Variants in PREX1 observed in about 807,000 individuals in gnomAD.
PREX1 encodes the protein phosphatidylinositol 3,4,5-trisphosphate-dependent Rac exchanger 1 protein.
In PREX1, 41 loss-of-function variants were observed where a neutral mutation model predicts 198.3. The observed-to-expected ratio is 0.21, with a 90% CI of 0.16 to 0.27. PREX1 has a LOEUF of 0.27. PREX1 is among the 10% of genes least tolerant of loss of function. The pLI, the probability that PREX1 is intolerant of heterozygous loss-of-function variation, is 1.00. For synonymous variants in PREX1, 843 were observed against 887.2 expected (o/e 0.95, Z 0.89); for missense variants, 1,620 against 2,200.7 (o/e 0.74, Z 5.28).
chr20:48,698,526 G>A (rs922641257), intron 7 of PREX1, among the ~76,000 whole-genome samples: 7 of 152,134 alleles, frequency 4.6e-5, no homozygotes, highest in African/African-American at 1.7e-4. Context: ...AGGAGGCAGG[G>A]AAAGAGAAGA....
chr20:48,692,134 C>A (rs1283273909), intron 8 of PREX1, among the ~76,000 whole-genome samples: 1 of 152,168 alleles, frequency 6.6e-6, no homozygotes, highest in Admixed American at 6.5e-5. Context: ...AAGCGGTCTG[C>A]CCATCTCAAC....
intron 32 of PREX1, among the ~76,000 whole-genome samples, chr20:48,636,030 C>T (rs983703681): frequency 6.6e-6 from 1 of 152,216 alleles, no homozygotes; most frequent in Admixed American, 6.5e-5. Context: ...AGGAGCCAAC[C>T]TCAGAGGCAC....
At chr20:48,871,942 G>A in the PREX1 span, among the ~76,000 whole-genome samples, 2 of 151,854 alleles carry the variant, frequency 1.3e-5, no homozygotes, top group South Asian at 2.1e-4. Flanking sequence ...GGCGGATCAC[G>A]AGGTCAGGAG....
intron 1 of PREX1, among the ~76,000 whole-genome samples, chr20:48,820,221 G>A (rs1338260722): frequency 2.0e-5 from 3 of 152,250 alleles, no homozygotes; most frequent in Non-Finnish European, 4.4e-5. Context: ...TCTACACAGG[G>A]CTGGAAGGCT....
chr20:48,757,954 A>G (rs2090162206), intron 1 of PREX1, among the ~76,000 whole-genome samples: 1 of 152,258 alleles, frequency 6.6e-6, no homozygotes, highest in African/African-American at 2.4e-5. Context: ...ATGTGCACAG[A>G]GAATGCAGGG....
In PREX1 at chr20:48,730,413, CCACACACACACACACA is replaced by C. The variant is rs71827793; in HGVS notation, c.520-4038_520-4023del. 1.5e-3 allele frequency among the ~76,000 whole-genome samples: 222 copies of C among 146,792 alleles called. 4 individuals are homozygous for C. The highest frequency in any genetic ancestry group is 0.014 in the East Asian group (70 of 4,996). On this transcript the variant is annotated intron_variant, in intron 4 of 39. Transcript: ENST00000371941. ...CAGACATCATGCTGCGCAAAAGCCA[CCACACACACACACACA>C]CACACACACACACACACACGCACAT...
At chr20:48,801,881 C>T (rs1391747611) in intron 1 of PREX1, among the ~76,000 whole-genome samples, 1 of 152,080 alleles carries the variant, frequency 6.6e-6, no homozygotes, top group Admixed American at 6.5e-5. Flanking sequence ...GGATTAGTTC[C>T]CCAAGAGTGG....
the PREX1 span, among the ~76,000 whole-genome samples, chr20:48,833,132 G>C: frequency 3.9e-5 from 6 of 152,176 alleles, no homozygotes; most frequent in African/African-American, 1.4e-4. Flanking sequence ...GCGTTGTTGT[G>C]CAGGTTAAAA....
intron 1 of PREX1, among the ~76,000 whole-genome samples, chr20:48,802,366 C>T (rs1294992313): frequency 1.3e-5 from 2 of 152,170 alleles, no homozygotes; most frequent in Non-Finnish European, 2.9e-5. Context: ...CTCACTCACT[C>T]TACCCAGCCA....
chr20:48,627,405 T>A, intron 39 of PREX1, 143 bp downstream of exon 39: 2 of 909,632 alleles, frequency 2.2e-6, no homozygotes, highest in South Asian at 3.1e-5. Context: ...GTTGTGTCTG[T>A]TGCTCCTCAA....
chr20:48,781,027 A>G (rs1454414915), intron 1 of PREX1, among the ~76,000 whole-genome samples: 1 of 152,204 alleles, frequency 6.6e-6, no homozygotes, highest in East Asian at 1.9e-4. Flanking sequence ...AAAGTGGCAG[A>G]CAGTCTACAA....
At chr20:48,628,828 A>G (rs978312087) in intron 37 of PREX1, among the ~76,000 whole-genome samples, 2 of 152,244 alleles carry the variant, frequency 1.3e-5, no homozygotes, top group African/African-American at 4.8e-5. Flanking sequence ...CACCTGTCTC[A>G]GGCCAGGCAC....
chr20:48,816,393 G>A (rs1176481793), intron 1 of PREX1, among the ~76,000 whole-genome samples: 1 of 152,178 alleles, frequency 6.6e-6, no homozygotes, highest in Admixed American at 6.5e-5. Flanking sequence ...ATGTAAGTGG[G>A]ACTGTCATTG....
At chr20:48,753,348 C>T (rs890101633) in intron 1 of PREX1, among the ~76,000 whole-genome samples, 1 of 152,200 alleles carries the variant, frequency 6.6e-6, no homozygotes, top group African/African-American at 2.4e-5. Flanking sequence ...GGCCAGGTCT[C>T]ACCTGTCGCC....
intron 1 of PREX1, among the ~76,000 whole-genome samples, chr20:48,817,076 C>T (rs2090462699): frequency 6.6e-6 from 1 of 152,208 alleles, no homozygotes; most frequent in African/African-American, 2.4e-5. Context: ...ACAGCCTCAC[C>T]CAGAAAGTGG....
At chr20:48,626,401 C>T (rs1000652904) in intron 39 of PREX1, among the ~76,000 whole-genome samples, 1 of 152,228 alleles carries the variant, frequency 6.6e-6, no homozygotes, top group African/African-American at 2.4e-5. Context: ...GGACTCCACG[C>T]CCAGACTGCC....
intron 38 of PREX1, 28 bp downstream of exon 38, chr20:48,627,833 G>A (rs1401457395): frequency 1.3e-6 from 2 of 1,597,606 alleles, no homozygotes; most frequent in African/African-American, 1.3e-5. Context: ...CCAGGGTGCT[G>A]GAGGACCCTG....
chr20:48,815,429 A>G (rs1056074914), intron 1 of PREX1, among the ~76,000 whole-genome samples: 4 of 152,368 alleles, frequency 2.6e-5, no homozygotes, highest in East Asian at 1.9e-4. Flanking sequence ...CCCACAGAAT[A>G]TGTTCTCTGA....
Position 48,625,842 on chromosome 20 carries a change from C to T in PREX1, c.*43G>A. The T allele has an allele frequency of 6.5e-7, 1 of 1,529,550 alleles. No individual in the cohort carries two copies. The highest frequency in any genetic ancestry group is 2.0e-5 in the Admixed American group (1 of 48,910). The allele number at this position is 1,529,550 out of a possible 1,614,324, so 94.7% of individuals were successfully genotyped here. A position where few individuals can be genotyped will look rare whatever the true frequency, so the allele number is the denominator to read the frequency against. On this transcript the variant is annotated 3_prime_UTR_variant, in exon 40 of 40. Transcript: ENST00000371941. ...CGCTGCCTGCTGTGTCCTCCCAAAT[C>T]CCAGCTCCAGAGGCCGCGGCCCAGC... is the stretch of plus-strand genomic sequence containing the variant.
Sources: gnomAD v4.1 joint callset for allele counts (sites outside exome capture counted in the v4.1 genomes callset) on GRCh38, gnomAD v4.1.1 for gene constraint, MANE v1.5 for transcripts, NCBI Gene and HGNC (gene_info 2026-07-23, HGNC 2026-07-21) for gene names.